ZDHHC21: variants seen among roughly 807,000 people sequenced by gnomAD.
ZDHHC21 encodes palmitoyltransferase ZDHHC21.
In ZDHHC21, 15 loss-of-function variants were observed where a neutral mutation model predicts 34.6. The observed-to-expected ratio is 0.43, with a 90% confidence interval of 0.29 to 0.67. ZDHHC21 has a LOEUF of 0.67. Among genes scored for constraint, ZDHHC21 ranks in the 30% least tolerant of loss-of-function variants. ZDHHC21 has a pLI of 0.14. For synonymous variants in ZDHHC21, 142 were observed against 101.8 expected, an observed-to-expected ratio of 1.40 and a Z score of -2.38; for missense variants, 344 against 327.7, an observed-to-expected ratio of 1.05 and a Z score of -0.38.
chr9:14,635,724 A>G (rs1828174401), intron 8 of ZDHHC21, among the ~76,000 whole-genome samples: 2 of 152,330 alleles, frequency 1.3e-5, no homozygotes, highest in South Asian at 2.1e-4. Flanking sequence ...TACCATCATA[A>G]AAACACATGA....
At chr9:14,621,574 G>T (rs375433890) in intron 8 of ZDHHC21, among the ~76,000 whole-genome samples, 17 of 152,216 alleles carry the variant, frequency 1.1e-4, no homozygotes, top group African/African-American at 3.8e-4. Context: ...AGTAGGATTT[G>T]TGAGGCTGGC....
intron 2 of ZDHHC21, among the ~76,000 whole-genome samples, chr9:14,682,005 C>T (rs1008746782): frequency 2.0e-5 from 3 of 152,052 alleles, no homozygotes; most frequent in East Asian, 1.9e-4. Context: ...GATTTGGTCA[C>T]CACCAGGCCT....
At chr9:14,591,372 A>C in the ZDHHC21 span, among the ~76,000 whole-genome samples, 3 of 152,088 alleles carry the variant, frequency 2.0e-5, no homozygotes, top group Non-Finnish European at 4.4e-5. Flanking sequence ...GGTCCCTTTT[A>C]GCACTTTTGT....
intron 2 of ZDHHC21, among the ~76,000 whole-genome samples, chr9:14,686,223 T>C (rs1173517604): frequency 6.7e-6 from 1 of 149,952 alleles, no homozygotes; most frequent in South Asian, 2.1e-4. Context: ...AGAAAATAAA[T>C]AAAAAAAGAA....
At chr9:14,648,866 G>A (rs559690315) in intron 7 of ZDHHC21, among the ~76,000 whole-genome samples, 219 of 152,066 alleles carry the variant, frequency 1.4e-3, no homozygotes, top group African/African-American at 5.1e-3. Context: ...TGAGTTTGAA[G>A]CAATTTTTAT....
chr9:14,683,201 G>C (rs976323974), intron 2 of ZDHHC21, among the ~76,000 whole-genome samples: 9 of 152,012 alleles, frequency 5.9e-5, no homozygotes, highest in Admixed American at 5.2e-4. Context: ...AGAACTGAAG[G>C]AGATAGAGAG....
chr9:14,600,164 G>C, the ZDHHC21 span, among the ~76,000 whole-genome samples: 1 of 152,160 alleles, frequency 6.6e-6, no homozygotes, highest in Non-Finnish European at 1.5e-5. Flanking sequence ...AGGGCAATCA[G>C]GCAAGAGAAA....
intron 7 of ZDHHC21, among the ~76,000 whole-genome samples, chr9:14,656,101 G>A (rs1445551312): frequency 1.3e-5 from 2 of 151,842 alleles, no homozygotes; most frequent in Admixed American, 6.6e-5. Flanking sequence ...ACGAAATTTG[G>A]ATGTGTCTAT....
chr9:14,658,544 C>G lies in ZDHHC21; in HGVS notation c.504+205G>C, dbSNP rs544780412. ...GGAGTGCAGTGGCGCAATCTCGGCT[C>G]ACTGCAGGCTCCGCCCCCTGGGGTT... On this transcript the variant is annotated intron_variant, in intron 7 of 9. Transcript: ENST00000380916. Among the ~76,000 whole-genome samples the G allele has an allele frequency of 2.2e-3, 273 of 124,574 alleles. 1 individual carries two copies. The highest frequency in any genetic ancestry group is 2.1e-3 in the Non-Finnish European group (129 of 62,830). The allele number at this position is 124,574 out of a possible 152,430, so 81.7% of individuals were successfully genotyped here. A position where few individuals can be genotyped will look rare whatever the true frequency, so the allele number is the denominator to read the frequency against.
At chr9:14,638,332 C>T (rs1828677793) in intron 8 of ZDHHC21, among the ~76,000 whole-genome samples, 3 of 151,904 alleles carry the variant, frequency 2.0e-5, no homozygotes, top group South Asian at 4.2e-4. Flanking sequence ...ATTGGATATC[C>T]ATATGCATAA....
chr9:14,622,473 A>G, intron 8 of ZDHHC21: 3 of 949,592 alleles, frequency 3.2e-6, no homozygotes, highest in Non-Finnish European at 3.7e-6. Flanking sequence ...TGTTAGGAAA[A>G]TGAGAGGTTG....
chr9:14,657,700 C>T (rs1231121984), intron 7 of ZDHHC21, among the ~76,000 whole-genome samples: 7 of 152,136 alleles, frequency 4.6e-5, no homozygotes, highest in Admixed American at 1.3e-4. Context: ...AACCAAGGCC[C>T]ATAGTTTGCC....
chr9:14,619,848 T>C (rs1405280640), intron 8 of ZDHHC21, among the ~76,000 whole-genome samples, 166 bp from the exon 9 acceptor site: 1 of 149,452 alleles, frequency 6.7e-6, no homozygotes, highest in Non-Finnish European at 1.5e-5. Flanking sequence ...ATTGCTGGAA[T>C]CCCCTTGGAA....
chr9:14,622,128 C>T (rs1564198669), intron 8 of ZDHHC21, among the ~76,000 whole-genome samples: 1 of 152,202 alleles, frequency 6.6e-6, no homozygotes, highest in East Asian at 1.9e-4. Context: ...TAAATATTTA[C>T]ACCTCGATTA....
chr9:14,677,765 T>A (rs1035264682), intron 3 of ZDHHC21, among the ~76,000 whole-genome samples: 2 of 152,098 alleles, frequency 1.3e-5, no homozygotes, highest in Non-Finnish European at 2.9e-5. Context: ...TAAACCAGAC[T>A]GAGTAAATAT....
chr9:14,596,952 G>T, the ZDHHC21 span, among the ~76,000 whole-genome samples: 25 of 152,256 alleles, frequency 1.6e-4, no homozygotes, highest in African/African-American at 5.8e-4. Context: ...GCATGGTTGG[G>T]ATAGGCTCAA....
At chr9:14,682,036 G>A (rs1031786922) in intron 2 of ZDHHC21, among the ~76,000 whole-genome samples, 37 of 152,110 alleles carry the variant, frequency 2.4e-4, no homozygotes, top group Non-Finnish European at 8.8e-5. Flanking sequence ...AGCTCCTGAA[G>A]GAAGCATTAA....
At chr9:14,649,053 A>G (rs1477186477) in intron 7 of ZDHHC21, among the ~76,000 whole-genome samples, 1 of 151,950 alleles carries the variant, frequency 6.6e-6, no homozygotes, top group Non-Finnish European at 1.5e-5. Context: ...ATTGCAGAAC[A>G]TTTAGCAGAA....
the ZDHHC21 span, among the ~76,000 whole-genome samples, chr9:14,594,384 C>T: frequency 6.6e-6 from 1 of 152,150 alleles, no homozygotes; most frequent in Non-Finnish European, 1.5e-5. Flanking sequence ...ACATAATTCA[C>T]ATGCTAGAAA....
Sources: allele counts gnomAD v4.1 joint callset (sites outside exome capture counted in the v4.1 genomes callset), GRCh38; gene constraint gnomAD v4.1.1; transcripts MANE v1.5; gene names NCBI Gene and HGNC (gene_info 2026-07-23, HGNC 2026-07-21).